Variants in DPP10 observed in about 807,000 individuals in gnomAD.
The protein encoded by DPP10 is dipeptidyl peptidase like 10, also known as inactive dipeptidyl peptidase 10.
A neutral mutation model predicts 120.9 loss-of-function variants in DPP10; 33 were observed. The ratio of observed to expected loss-of-function variants is 0.27; its 90% CI spans 0.21 to 0.37. DPP10 has a LOEUF of 0.37. Among genes scored for constraint, DPP10 ranks in the 10% least tolerant of loss-of-function variants. The pLI is 1.00. For synonymous variants in DPP10, 337 were observed against 326.1 expected (o/e 1.03, Z -0.36); for missense variants, 816 against 942.8 (o/e 0.87, Z 1.76).
At chr2:115,571,865 G>T (rs1019307401) in intron 5 of DPP10, among the ~76,000 whole-genome samples, 16 of 151,954 alleles carry the variant, frequency 1.1e-4, no homozygotes, top group African/African-American at 3.6e-4. Flanking sequence ...GTGTGTGTGT[G>T]TGTTTTATGA....
chr2:115,707,462 A>ACACACT lies in DPP10; in HGVS notation c.576+17542_576+17543insACACTC, dbSNP rs1491330284. ...CACACACACACACACACACACACACACTCTCTCCACATTTTTTATTGGAAT... is the reference window on the plus strand; with the variant it reads ...CACACACACACACACACACACACACACACACTCTCTCTCCACATTTTTTATTGGAAT... On this transcript the variant is annotated intron_variant, in intron 7 of 25. Coordinates refer to ENST00000410059, the MANE Select transcript of DPP10 (RefSeq NM_020868.6). 7.0e-4 allele frequency among the ~76,000 whole-genome samples: 94 copies of ACACACT among 134,418 alleles called. 1 individual carries two copies. Among genetic ancestry groups the ACACACT allele is most frequent in the African/African-American group, 2.7e-3 (89 of 33,544 alleles). The allele number at this position is 134,418 out of a possible 152,430, so 88.2% of individuals were successfully genotyped here.
intron 21 of DPP10, among the ~76,000 whole-genome samples, chr2:115,830,649 A>T (rs925608420): frequency 1.3e-5 from 2 of 152,176 alleles, no homozygotes; most frequent in African/African-American, 4.8e-5. Context: ...ATAAAATGTC[A>T]GATGGTGAGA....
intron 1 of DPP10, among the ~76,000 whole-genome samples, chr2:114,577,320 C>T (rs1690132610): frequency 6.6e-6 from 1 of 152,132 alleles, no homozygotes; most frequent in Admixed American, 6.5e-5. Context: ...ACCAACCTCG[C>T]TTTTGTTTGT....
chr2:115,152,556 G>T (rs1186458033), intron 1 of DPP10, among the ~76,000 whole-genome samples: 1 of 152,140 alleles, frequency 6.6e-6, no homozygotes, highest in Non-Finnish European at 1.5e-5. Context: ...TTATGTAACA[G>T]TAAAAAATAG....
chr2:114,790,882 A>C (rs943790294), intron 1 of DPP10, among the ~76,000 whole-genome samples: 10 of 152,206 alleles, frequency 6.6e-5, no homozygotes, highest in Admixed American at 6.5e-4. Context: ...CGTGCAGGTC[A>C]CAGGGGATGC....
intron 1 of DPP10, among the ~76,000 whole-genome samples, chr2:115,059,877 G>A (rs1269100014): frequency 2.0e-5 from 3 of 151,878 alleles, no homozygotes; most frequent in Non-Finnish European, 4.4e-5. Context: ...TCTTTTATTT[G>A]CAACAGAAAG....
intron 1 of DPP10, among the ~76,000 whole-genome samples, chr2:115,176,242 A>G (rs547088751): frequency 6.7e-6 from 1 of 148,486 alleles, no homozygotes; most frequent in South Asian, 2.1e-4. Flanking sequence ...TACTATTTAT[A>G]TATGTTGTAT....
Position 115,309,292 on chromosome 2 carries a change from T to C in DPP10, c.114T>C (p.Ala38=). Residue 38 remains alanine (A), a synonymous_variant, in exon 2 of 26, where the codon GCT becomes GCC. Coordinates refer to ENST00000410059, the MANE Select transcript of DPP10 (RefSeq NM_020868.6). ...PQRNWKGIAI[A]LLVILVVCSL... ...GAAACTGGAAGGGAATTGCTATTGC[T>C]CTGCTGGTGATTTTAGTTGTATGCT... 6.2e-7 allele frequency: 1 copy of C among 1,613,664 alleles called. No homozygotes were observed. The highest frequency in any genetic ancestry group is 8.5e-7 in the Non-Finnish European group (1 of 1,179,690).
At chr2:115,788,902 A>G (rs907884188) in intron 17 of DPP10, among the ~76,000 whole-genome samples, 39 of 152,234 alleles carry the variant, frequency 2.6e-4, no homozygotes, top group African/African-American at 9.1e-4. Context: ...GGAGATCGTG[A>G]GGTCAGGAGA....
intron 5 of DPP10, among the ~76,000 whole-genome samples, chr2:115,652,258 G>A (rs1289187196): frequency 6.6e-6 from 1 of 151,914 alleles, no homozygotes; most frequent in Non-Finnish European, 1.5e-5. Context: ...GGACAGAAGT[G>A]AGAACTAGTA....
intron 7 of DPP10, among the ~76,000 whole-genome samples, chr2:115,711,197 C>T (rs1168847970): frequency 2.0e-5 from 3 of 152,072 alleles, no homozygotes; most frequent in South Asian, 2.1e-4. Context: ...TGTCTTAGAA[C>T]CACAGTTTCT....
chr2:114,773,282 A>G (rs1681433060), intron 1 of DPP10, among the ~76,000 whole-genome samples: 1 of 152,186 alleles, frequency 6.6e-6, no homozygotes, highest in African/African-American at 2.4e-5. Context: ...GTCTATCTTA[A>G]TTGTTATGGT....
intron 7 of DPP10, among the ~76,000 whole-genome samples, chr2:115,715,359 A>AC (rs1239132270): frequency 6.6e-6 from 1 of 150,530 alleles, no homozygotes; most frequent in Non-Finnish European, 1.5e-5. Context: ...AAAAAAAAAA[A>AC]AAAAGAAAGA....
intron 1 of DPP10, among the ~76,000 whole-genome samples, chr2:114,675,349 G>A (rs1183164183): frequency 6.6e-6 from 1 of 152,070 alleles, no homozygotes; most frequent in African/African-American, 2.4e-5. Context: ...GATGTCTTTT[G>A]TAAAAAGAGA....
chr2:115,067,906 T>TGGGTGTGTGG lies in DPP10; in HGVS notation c.61-241313_61-241304dup, dbSNP rs1274935533. Among the ~76,000 whole-genome samples the TGGGTGTGTGG allele has an allele frequency of 3.5e-5, 5 of 143,640 alleles. No individual in the cohort carries two copies. In the East Asian group the frequency reaches 8.4e-4, roughly 24 times the overall value. The allele number at this position is 143,640 out of a possible 152,430, so 94.2% of individuals were successfully genotyped here. A position where few individuals can be genotyped will look rare whatever the true frequency, so the allele number is the denominator to read the frequency against. ...GAAAAAAAAGAAAAATATTCCTGTGTGGGTGTGTGGGGGTGTGTGGGGGTG... is the reference window on the plus strand; with the variant it reads ...GAAAAAAAAGAAAAATATTCCTGTGTGGGTGTGTGGGGGTGTGTGGGGGTGTGTGGGGGTG... On this transcript the variant is annotated intron_variant, in intron 1 of 25. Coordinates refer to ENST00000410059, the MANE Select transcript of DPP10 (RefSeq NM_020868.6).
intron 5 of DPP10, among the ~76,000 whole-genome samples, chr2:115,644,225 C>T (rs1407719173): frequency 6.6e-6 from 1 of 152,074 alleles, no homozygotes. Context: ...AGGTTTGTTA[C>T]GTATGTATAC....
At chr2:114,697,109 C>T (rs2105796455) in intron 1 of DPP10, among the ~76,000 whole-genome samples, 1 of 152,078 alleles carries the variant, frequency 6.6e-6, no homozygotes, top group East Asian at 2.0e-4. Flanking sequence ...GTGTAAGGTC[C>T]TTCACTAACA....
chr2:115,450,266 T>C (rs2072998494), intron 3 of DPP10, among the ~76,000 whole-genome samples: 1 of 151,994 alleles, frequency 6.6e-6, no homozygotes, highest in Admixed American at 6.6e-5. Context: ...GTGTTGAATA[T>C]CTCATGACTG....
chr2:114,763,601 G>A (rs1680462982), intron 1 of DPP10, among the ~76,000 whole-genome samples: 1 of 151,974 alleles, frequency 6.6e-6, no homozygotes, highest in African/African-American at 2.4e-5. Flanking sequence ...AGACTTCGTG[G>A]TCTATTATAT....
Sources: allele counts gnomAD v4.1 joint callset (sites outside exome capture counted in the v4.1 genomes callset), GRCh38; gene constraint gnomAD v4.1.1; transcripts MANE v1.5; gene names NCBI Gene and HGNC (gene_info 2026-07-23, HGNC 2026-07-21).